The following LMAN1 variants were observed in gnomAD, a reference collection of about 807,000 sequenced individuals.
LMAN1 encodes the protein protein ERGIC-53.
Under a neutral mutation model 67.8 loss-of-function variants are expected in LMAN1, and 32 were observed. That is an observed-to-expected ratio of 0.47 (90% CI 0.36 to 0.63). The LOEUF (loss-of-function observed/expected upper bound fraction) is 0.63, where lower values mean the gene tolerates loss of function less well. LMAN1 is among the 30% of genes least tolerant of loss of function. LMAN1 has a pLI of 0.00. For missense variants in LMAN1, 632 were observed against 628.2 expected (o/e 1.01, Z -0.06); for synonymous variants, 235 against 219.3 (o/e 1.07, Z -0.63).
chr18:59,345,782 A>T, intron 8 of LMAN1, 137 bp downstream of exon 8: 1 of 1,017,832 alleles, frequency 9.8e-7, no homozygotes, highest in Non-Finnish European at 1.5e-6. Flanking sequence ...ATTTGCTCCT[A>T]AATTGTTTCC....
At position 59,353,095 on chromosome 18, in the gene LMAN1, G is replaced by C; in HGVS notation, c.639+107C>G. 5.2e-6 allele frequency: 5 copies of C among 958,372 alleles called. No homozygotes were observed. In the South Asian group the frequency reaches 6.6e-5, roughly 13 times the overall value. 59.4% of individuals were successfully genotyped at this position (958,372 alleles called of 1,614,324 possible). On this transcript the variant is annotated intron_variant, in intron 5 of 12. Transcript: ENST00000251047. ...CTCTTAGAGTAACAATGAAGAGTAT[G>C]TAAGCATATCCAAATTTAAGTGCAT... is the stretch of plus-strand genomic sequence containing the variant.
chr18:59,349,327 TTTCA>T lies in LMAN1; in HGVS notation c.640-95_640-92del, dbSNP rs1330658694. On this transcript the variant is annotated intron_variant, in intron 5 of 12. Transcript: ENST00000251047. ...ATTTTATGACTACTATTCAGTTTTG[TTTCA>T]TTATTATAAAGAGTAATTTTAAATA... The T allele has an allele frequency of 1.0e-5, 12 of 1,147,678 alleles. No homozygotes were observed. The African/African-American group carries it at 1.1e-4, about 10-fold the overall frequency. The allele number at this position is 1,147,678 out of a possible 1,614,324, so 71.1% of individuals were successfully genotyped here.
At position 59,333,135 on chromosome 18, in the gene LMAN1, G is replaced by A; in HGVS notation, c.1330C>T (p.His444Tyr). The change falls in exon 11 of 13, where the codon CAC becomes TAC. Residue 444 changes from histidine (H) to tyrosine (Y), a missense_variant. By Grantham distance (83) the His-to-Tyr change is moderately conservative. Coordinates refer to ENST00000251047, the MANE Select transcript of LMAN1 (RefSeq NM_005570.4). ...TTATCTATGTCCCTCTTTACTATGTGCAGGTGCTCTTTGATGTCAATGAAG... is the reference window on the plus strand; with the variant it reads ...TTATCTATGTCCCTCTTTACTATGTACAGGTGCTCTTTGATGTCAATGAAG... The part of the protein sequence containing the change: ...QHFIDIKEHL[H>Y]IVKRDIDNLV... The A allele has an allele frequency of 6.2e-7, 1 of 1,613,592 alleles. No homozygotes were observed. Among genetic ancestry groups the A allele is most frequent in the Non-Finnish European group, 8.5e-7 (1 of 1,179,626 alleles).
chr18:59,358,956 T>C (rs893848192), intron 1 of LMAN1, 75 bp downstream of exon 1: 4 of 1,444,844 alleles, frequency 2.8e-6, no homozygotes, highest in African/African-American at 2.8e-5. Context: ...CACACCAGGG[T>C]AGCCGCGGAT....
At position 59,329,095 on chromosome 18, in the gene LMAN1, T is replaced by TA. The variant is rs942162514; in HGVS notation, c.*1997dup. 2 of 152,192 alleles carry TA rather than the reference T, an allele frequency of 1.3e-5. No individual in the cohort carries two copies. The highest frequency in any genetic ancestry group is 4.8e-5 in the African/African-American group (2 of 41,454). 9.4% of individuals were successfully genotyped at this position (152,192 alleles called of 1,614,324 possible). ...CCTTTTTGTTCAGAAATGAGCTCCT[T>TA]AAAGTCAATGATTTTGAGAAAAACC... On this transcript the variant is annotated 3_prime_UTR_variant, in exon 13 of 13. Coordinates refer to ENST00000251047, the MANE Select transcript of LMAN1 (RefSeq NM_005570.4).
intron 11 of LMAN1, 22 bp from the exon 12 acceptor site, chr18:59,331,561 A>G (rs779350889): frequency 5.8e-5 from 93 of 1,611,626 alleles, no homozygotes; most frequent in Non-Finnish European, 6.0e-5. Context: ...ATGACTTTCT[A>G]TTACAGTTAG....
At position 59,359,250 on chromosome 18, in the gene LMAN1, A is replaced by G; in HGVS notation, c.-6T>C. The G allele has an allele frequency of 1.2e-6, 2 of 1,613,256 alleles. No homozygotes were observed. The highest frequency in any genetic ancestry group is 2.7e-5 in the African/African-American group (2 of 75,034). ...CTTTGCCTGGATCCCGCCATCTTGG[A>G]TTCTGGAACGCGGAGGAGGGCGGGA... is the stretch of plus-strand genomic sequence containing the variant. On this transcript the variant is annotated 5_prime_UTR_variant, in exon 1 of 13. Coordinates refer to ENST00000251047, the MANE Select transcript of LMAN1 (RefSeq NM_005570.4).
At chr18:59,333,937 T>G (rs1057410132) in intron 10 of LMAN1, among the ~76,000 whole-genome samples, 5 of 152,174 alleles carry the variant, frequency 3.3e-5, no homozygotes, top group African/African-American at 1.2e-4. Context: ...AAATTATGTT[T>G]GAGTTACATG....
intron 8 of LMAN1, among the ~76,000 whole-genome samples, chr18:59,340,326 T>C (rs968815175): frequency 6.6e-6 from 1 of 152,194 alleles, no homozygotes; most frequent in Non-Finnish European, 1.5e-5. Flanking sequence ...AGGGTTTCAC[T>C]ACAGCATATT....
chr18:59,349,127 G>C lies in LMAN1; in HGVS notation c.749C>G (p.Thr250Ser). The C allele has an allele frequency of 6.2e-7, 1 of 1,614,016 alleles. No individual in the cohort carries two copies. The highest frequency in any genetic ancestry group is 8.5e-7 in the Non-Finnish European group (1 of 1,179,924). The change falls in exon 6 of 13, where the codon ACT becomes AGT. Residue 250 changes from threonine (T) to serine (S), a missense_variant. Coordinates refer to ENST00000251047, the MANE Select transcript of LMAN1 (RefSeq NM_005570.4). ...GCAAGATTTACCTGCAAGACCTCCA[G>C]TTGCAGCAGATATTCCAAAATGCCC... ...AQGHFGISAA[T>S]GGLADDHDVL...
chr18:59,340,297 A>G (rs1603394466), intron 8 of LMAN1, among the ~76,000 whole-genome samples: 1 of 152,228 alleles, frequency 6.6e-6, no homozygotes. Flanking sequence ...AGCAATCCCC[A>G]GAAAAATATA....
chr18:59,334,626 C>T (rs1188159357), intron 10 of LMAN1, among the ~76,000 whole-genome samples: 1 of 152,012 alleles, frequency 6.6e-6, no homozygotes, highest in Non-Finnish European at 1.5e-5. Flanking sequence ...AAGCAGAGGC[C>T]AAAGAATACC....
rs1007025018 is a variant in LMAN1 at position 59,329,055 on chromosome 18, T to A, written c.*2038A>T. ...GAAAGAATCCTGGCAGTGATTGATT[T>A]TTCCACAGAGCAAACCTTTTTGTTC... On this transcript the variant is annotated 3_prime_UTR_variant, in exon 13 of 13. Transcript: ENST00000251047. 6 of 152,174 alleles carry A rather than the reference T, an allele frequency of 3.9e-5. No individual in the cohort carries two copies. Among genetic ancestry groups the A allele is most frequent in the African/African-American group, 1.4e-4 (6 of 41,440 alleles). 9.4% of individuals were successfully genotyped at this position (152,174 alleles called of 1,614,324 possible).
intron 10 of LMAN1, among the ~76,000 whole-genome samples, chr18:59,338,323 A>G (rs1346772659): frequency 6.6e-6 from 1 of 152,198 alleles, no homozygotes; most frequent in Non-Finnish European, 1.5e-5. Flanking sequence ...TCTTTAAAAG[A>G]TGCCAAAACA....
chr18:59,330,994 A>C lies in LMAN1; in HGVS notation c.*99T>G. 1.2e-6 allele frequency: 1 copy of C among 805,320 alleles called. No individual in the cohort carries two copies. Among genetic ancestry groups the C allele is most frequent in the East Asian group, 2.6e-5 (1 of 38,306 alleles). The allele number at this position is 805,320 out of a possible 1,614,324, so 49.9% of individuals were successfully genotyped here. A position where few individuals can be genotyped will look rare whatever the true frequency, so the allele number is the denominator to read the frequency against. ...GTTTAAACAGTTATTTTATTAAGAAAATTAATAATTTAGACTATGAAGCAA... is the reference window on the plus strand; with the variant it reads ...GTTTAAACAGTTATTTTATTAAGAACATTAATAATTTAGACTATGAAGCAA... On this transcript the variant is annotated 3_prime_UTR_variant, in exon 13 of 13. Transcript: ENST00000251047.
chr18:59,332,887 C>T (rs2070756257), intron 11 of LMAN1, among the ~76,000 whole-genome samples: 1 of 151,994 alleles, frequency 6.6e-6, no homozygotes, highest in South Asian at 2.1e-4. Flanking sequence ...ATTAAAAAAC[C>T]ATGACTGCTA....
In LMAN1 at chr18:59,335,896, C is replaced by T. The variant is rs8082805; in HGVS notation, c.1221-2652G>A. On this transcript the variant is annotated intron_variant, in intron 10 of 12. Coordinates refer to ENST00000251047, the MANE Select transcript of LMAN1 (RefSeq NM_005570.4). The stretch of plus-strand genomic sequence containing the variant: ...GATACGAGCTAACAATTTGAAACCA[C>T]TTTGTGTGTACTTATATGCATACTC... Among the ~76,000 whole-genome samples the T allele has an allele frequency of 9.7e-3, 1,475 of 152,276 alleles. 30 individuals are homozygous for T. Among genetic ancestry groups the T allele is most frequent in the African/African-American group, 0.034 (1,404 of 41,540 alleles).
chr18:59,333,558 A>C, intron 10 of LMAN1: 1 of 297,610 alleles, frequency 3.4e-6, no homozygotes, highest in Non-Finnish European at 6.4e-6. Context: ...AAGTTATAAT[A>C]AATCTTTCTA....
Position 59,328,706 on chromosome 18 carries a change from T to C in LMAN1, c.*2387A>G, listed in dbSNP as rs34679996. The C allele has an allele frequency of 0.098, 14,876 of 152,142 alleles. 901 individuals carry two copies. The highest frequency in any genetic ancestry group is 0.15 in the African/African-American group (6,414 of 41,480). 9.4% of individuals were successfully genotyped at this position (152,142 alleles called of 1,614,324 possible). On this transcript the variant is annotated 3_prime_UTR_variant, in exon 13 of 13. Coordinates refer to ENST00000251047, the MANE Select transcript of LMAN1 (RefSeq NM_005570.4). ...TCAGGTTGTCTGAAACCAGGCGCCA[T>C]GACCCAGATGGTCCATGGATCATAC...
Sources: gnomAD v4.1 joint callset for allele counts (sites outside exome capture counted in the v4.1 genomes callset) on GRCh38, gnomAD v4.1.1 for gene constraint, MANE v1.5 for transcripts, NCBI Gene and HGNC (gene_info 2026-07-23, HGNC 2026-07-21) for gene names.